The following SPATA6 variants were observed in gnomAD, a reference collection of about 807,000 sequenced individuals.
SPATA6 encodes the protein spermatogenesis associated 6, also known as spermatogenesis-associated protein 6.
A neutral mutation model predicts 65.3 loss-of-function variants in SPATA6; 56 were observed. The ratio of observed to expected loss-of-function variants is 0.86; its 90% CI spans 0.69 to 1.07. The LOEUF (loss-of-function observed/expected upper bound fraction) is 1.07. Among genes scored for constraint, SPATA6 ranks in the 50% least tolerant of loss-of-function variants. The pLI, the probability that SPATA6 is intolerant of heterozygous loss-of-function variation, is 0.00. For synonymous variants in SPATA6, 199 were observed against 213.2 expected (o/e 0.93, Z 0.58); for missense variants, 590 against 594.8 (o/e 0.99, Z 0.08).
chr1:48,334,280 T>C (rs1645998957), intron 11 of SPATA6, among the ~76,000 whole-genome samples: 1 of 151,636 alleles, frequency 6.6e-6, no homozygotes, highest in Non-Finnish European at 1.5e-5. Context: ...ACTCATTCAA[T>C]GAGGCCAGCA....
chr1:48,464,574 T>G (rs1397560569), intron 1 of SPATA6, among the ~76,000 whole-genome samples: 1 of 152,198 alleles, frequency 6.6e-6, no homozygotes, highest in Non-Finnish European at 1.5e-5. Flanking sequence ...TAGTGTTATA[T>G]TCATTTAAGA....
At chr1:48,404,013 C>G (rs1651441363) in intron 5 of SPATA6, 131 bp from the exon 6 acceptor site, 1 of 607,516 alleles carries the variant, frequency 1.6e-6, no homozygotes, top group African/African-American at 1.9e-5. Context: ...TTGAACTTTT[C>G]ATTAAAGATA....
chr1:48,299,538 G>T (rs202072422), intron 12 of SPATA6, among the ~76,000 whole-genome samples: 15 of 44,058 alleles, frequency 3.4e-4, no homozygotes, highest in South Asian at 7.7e-4. Flanking sequence ...AAAAAAAAAA[G>T]AATGCATAGT....
Position 48,472,077 on chromosome 1 carries a change from TG to T in SPATA6, c.-70del. ...CGAGTGAGGCGGGGAGACCTGGGGC[TG>T]GGCGGGGACGGGGAGGAGACGAGGT... On this transcript the variant is annotated 5_prime_UTR_variant, in exon 1 of 13. Coordinates refer to ENST00000371847, the MANE Select transcript of SPATA6 (RefSeq NM_019073.4). The T allele has an allele frequency of 2.1e-6, 1 of 471,348 alleles. No individual in the cohort carries two copies. Among genetic ancestry groups the T allele is most frequent in the South Asian group, 3.0e-5 (1 of 33,796 alleles). The allele number at this position is 471,348 out of a possible 1,614,324, so 29.2% of individuals were successfully genotyped here. A position where few individuals can be genotyped will look rare whatever the true frequency, so the allele number is the denominator to read the frequency against.
At chr1:48,327,322 C>T (rs898952163) in intron 11 of SPATA6, among the ~76,000 whole-genome samples, 8 of 152,110 alleles carry the variant, frequency 5.3e-5, no homozygotes, top group African/African-American at 1.9e-4. Context: ...ATCAGAATGG[C>T]TACTACGAAA....
intron 8 of SPATA6, among the ~76,000 whole-genome samples, chr1:48,387,914 T>C (rs1338687713): frequency 6.6e-6 from 1 of 152,194 alleles, no homozygotes; most frequent in Non-Finnish European, 1.5e-5. Context: ...CCTGCCACTG[T>C]CACGGTCATC....
chr1:48,268,441 T>C, the SPATA6 span, among the ~76,000 whole-genome samples: 1 of 152,150 alleles, frequency 6.6e-6, no homozygotes, highest in African/African-American at 2.4e-5. Flanking sequence ...AACATTCATC[T>C]GGCTGAGCTC....
chr1:48,267,752 G>GTTTTTTTTTT, the SPATA6 span, among the ~76,000 whole-genome samples: 72 of 72,702 alleles, frequency 9.9e-4, 4 homozygotes, highest in Non-Finnish European at 1.5e-3. Context: ...TAGGGTCTGG[G>GTTTTTTTTTT]TTTTTTTTTT....
chr1:48,308,577 T>C (rs1645119215), intron 11 of SPATA6, among the ~76,000 whole-genome samples: 1 of 152,176 alleles, frequency 6.6e-6, no homozygotes, highest in Non-Finnish European at 1.5e-5. Context: ...TGAGCTACTG[T>C]CTAGTGTCCT....
intron 11 of SPATA6, among the ~76,000 whole-genome samples, chr1:48,311,355 C>T (rs1327741891): frequency 2.6e-5 from 4 of 151,852 alleles, no homozygotes; most frequent in Non-Finnish European, 4.4e-5. Context: ...AAAAATGGGA[C>T]ATTACTAGAG....
intron 3 of SPATA6, among the ~76,000 whole-genome samples, chr1:48,428,821 ATATGTG>A (rs773729824): frequency 2.5e-4 from 31 of 125,918 alleles, no homozygotes; most frequent in Admixed American, 1.2e-3. Flanking sequence ...ATATGTATAT[ATATGTG>A]TGTATATATA....
intron 11 of SPATA6, among the ~76,000 whole-genome samples, chr1:48,337,659 T>C (rs1646096961): frequency 6.6e-6 from 1 of 151,860 alleles, no homozygotes; most frequent in Non-Finnish European, 1.5e-5. Context: ...TGTAGGTAGG[T>C]CAGTGGATTA....
chr1:48,338,059 A>G (rs1284489125), intron 11 of SPATA6, among the ~76,000 whole-genome samples: 2 of 152,034 alleles, frequency 1.3e-5, no homozygotes, highest in African/African-American at 4.8e-5. Flanking sequence ...TTAGATATAA[A>G]GAGTTACTAC....
At chr1:48,325,319 A>AG in intron 11 of SPATA6, 1 of 1,222,208 alleles carries the variant, frequency 8.2e-7, no homozygotes, top group Non-Finnish European at 1.2e-6. Flanking sequence ...CACTGTGTGT[A>AG]GGGCACAGGC....
intron 12 of SPATA6, among the ~76,000 whole-genome samples, chr1:48,303,597 G>T (rs1208468120): frequency 6.6e-6 from 1 of 152,088 alleles, no homozygotes; most frequent in East Asian, 1.9e-4. Context: ...CTAATGAAAA[G>T]ATTTCATTTT....
At chr1:48,420,972 T>A (rs990080772) in intron 3 of SPATA6, among the ~76,000 whole-genome samples, 7 of 152,186 alleles carry the variant, frequency 4.6e-5, no homozygotes, top group South Asian at 4.2e-4. Context: ...CACTCATTGA[T>A]GAAATCTAAA....
At chr1:48,379,262 A>G (rs1030699358) in intron 9 of SPATA6, among the ~76,000 whole-genome samples, 32 of 152,294 alleles carry the variant, frequency 2.1e-4, no homozygotes, top group Admixed American at 1.2e-3. Context: ...ACTCACTATC[A>G]TGAAACAGCA....
At chr1:48,386,304 C>G (rs536678112) in intron 8 of SPATA6, among the ~76,000 whole-genome samples, 5 of 152,260 alleles carry the variant, frequency 3.3e-5, no homozygotes, top group Non-Finnish European at 7.4e-5. Flanking sequence ...TGGAGCTTTA[C>G]TCATTACTTA....
intron 1 of SPATA6, 138 bp from the exon 2 acceptor site, chr1:48,453,269 G>T: frequency 1.0e-6 from 1 of 953,282 alleles, no homozygotes; most frequent in Non-Finnish European, 1.5e-6. Context: ...AAGAGAGAGA[G>T]ACAGAGACTA....
Sources: gnomAD v4.1 joint callset for allele counts (sites outside exome capture counted in the v4.1 genomes callset) on GRCh38, gnomAD v4.1.1 for gene constraint, MANE v1.5 for transcripts, NCBI Gene and HGNC (gene_info 2026-07-23, HGNC 2026-07-21) for gene names.